The following JAML variants were observed in gnomAD, a reference collection of about 807,000 sequenced individuals.
JAML encodes the protein junctional adhesion molecule-like.
A neutral mutation model predicts 39.3 loss-of-function variants in JAML; 25 were observed. The ratio of observed to expected loss-of-function variants is 0.64; its 90% confidence interval spans 0.46 to 0.89. JAML has a LOEUF of 0.89. Among genes scored for constraint, JAML ranks in the 40% least tolerant of loss-of-function variants. JAML has a pLI of 0.00. For missense variants in JAML, 440 were observed against 486.9 expected (o/e 0.90, Z 0.91); for synonymous variants, 162 against 179.2 (o/e 0.90, Z 0.77).
chr11:118,217,610 CT>C (rs1245493347), intron 1 of JAML, among the ~76,000 whole-genome samples: 1 of 152,120 alleles, frequency 6.6e-6, no homozygotes, highest in Non-Finnish European at 1.5e-5. Flanking sequence ...AAGATCAGAC[CT>C]TTTTCTTAAT....
At position 118,205,698 on chromosome 11, in the gene JAML, G is replaced by A. The variant is rs1337743186; in HGVS notation, c.534+184C>T. On this transcript the variant is annotated intron_variant, in intron 5 of 9. Coordinates refer to ENST00000356289, the MANE Select transcript of JAML (RefSeq NM_001098526.2). ...AGTTAAGCATCATCATCATCTTCTT[G>A]TTCTTGTTCTTCATTGGAGTTATCT... 5.1e-6 allele frequency: 3 copies of A among 587,018 alleles called. No homozygotes were observed. The African/African-American group carries it at 5.6e-5, about 11-fold the overall frequency. The allele number at this position is 587,018 out of a possible 1,614,324, so 36.4% of individuals were successfully genotyped here. A position where few individuals can be genotyped will look rare whatever the true frequency, so the allele number is the denominator to read the frequency against.
chr11:118,217,518 A>T (rs1311162556), intron 1 of JAML, among the ~76,000 whole-genome samples: 5 of 152,222 alleles, frequency 3.3e-5, no homozygotes, highest in African/African-American at 7.2e-5. Flanking sequence ...AGTTTTTTTT[A>T]AATGCTCTTC....
chr11:118,207,560 A>T (rs1224344321), intron 4 of JAML, among the ~76,000 whole-genome samples: 1 of 152,338 alleles, frequency 6.6e-6, no homozygotes, highest in South Asian at 2.1e-4. Flanking sequence ...AACTATGAAA[A>T]AAAGAATTGA....
intron 1 of JAML, among the ~76,000 whole-genome samples, chr11:118,224,548 T>A (rs1949241563): frequency 6.6e-6 from 1 of 152,156 alleles, no homozygotes; most frequent in African/African-American, 2.4e-5. Context: ...TAAAATTTGT[T>A]TAAAAATAAA....
At chr11:118,214,995 A>T (rs1225406368) in intron 1 of JAML, 109 bp from the exon 2 acceptor site, 6 of 916,810 alleles carry the variant, frequency 6.5e-6, no homozygotes, top group Non-Finnish European at 1.0e-5. Flanking sequence ...AGACACTGGT[A>T]TGCAGCATTG....
At chr11:118,200,651 T>C (rs775408283) in intron 6 of JAML, 39 bp from the exon 7 acceptor site, 1 of 1,612,588 alleles carries the variant, frequency 6.2e-7, no homozygotes, top group Non-Finnish European at 8.5e-7. Flanking sequence ...GTCTCAATAC[T>C]TTAGCAAAGA....
At chr11:118,201,057 C>A in intron 6 of JAML, 1 of 161,830 alleles carries the variant, frequency 6.2e-6, no homozygotes, top group Non-Finnish European at 1.4e-5. Context: ...GAACCTTCTA[C>A]TCATCTGCAT....
chr11:118,218,627 C>A (rs1949173969), intron 1 of JAML, among the ~76,000 whole-genome samples: 1 of 152,128 alleles, frequency 6.6e-6, no homozygotes, highest in Non-Finnish European at 1.5e-5. Context: ...GTTCATAACA[C>A]CTTGGACATT....
rs760640093 is a variant in JAML at position 118,210,729 on chromosome 11, T to C, written c.199-17A>G. 29 of 1,604,694 alleles carry C rather than the reference T, an allele frequency of 1.8e-5. No homozygotes were observed. Among genetic ancestry groups the C allele is most frequent in the Non-Finnish European group, 2.5e-5 (29 of 1,171,578 alleles). On this transcript the variant is annotated splice_polypyrimidine_tract_variant and intron_variant, in intron 3 of 9. Transcript: ENST00000356289. ...ATATTCGTCCTGAAGGGCAAAACAG[T>C]GTTGGAGACAATCAAAAGAGGTGCC...
At chr11:118,207,319 T>C (rs1948938242) in intron 4 of JAML, among the ~76,000 whole-genome samples, 5 of 152,186 alleles carry the variant, frequency 3.3e-5, no homozygotes, top group Non-Finnish European at 1.5e-5. Context: ...ATTTTGAGGT[T>C]TGTATGACTA....
At chr11:118,204,972 A>G (rs1948887655) in intron 5 of JAML, 1 of 152,198 alleles carries the variant, frequency 6.6e-6, no homozygotes, top group African/African-American at 2.4e-5. Flanking sequence ...TCGTGATTCA[A>G]ATTCACAACC....
At chr11:118,199,999 A>C (rs1432394397) in intron 7 of JAML, among the ~76,000 whole-genome samples, 1 of 152,144 alleles carries the variant, frequency 6.6e-6, no homozygotes, top group African/African-American at 2.4e-5. Context: ...CCTGGCCAAA[A>C]GCATCTTTTA....
chr11:118,224,700 T>C (rs778600839), intron 1 of JAML, among the ~76,000 whole-genome samples: 2 of 152,156 alleles, frequency 1.3e-5, no homozygotes, highest in Non-Finnish European at 2.9e-5. Context: ...CGTACTCTTA[T>C]TATGATGAAA....
In JAML at chr11:118,202,656, C is replaced by T. The variant is rs117051566; in HGVS notation, c.772+772G>A. 312 of 281,782 alleles carry T rather than the reference C, an allele frequency of 1.1e-3. 5 individuals are homozygous for T. In the East Asian group the frequency reaches 0.024, roughly 22 times the overall value. The allele number at this position is 281,782 out of a possible 1,614,324, so 17.5% of individuals were successfully genotyped here. On this transcript the variant is annotated intron_variant, in intron 6 of 9. Transcript: ENST00000356289. ...CTGAGAAGGAAGCACACAGACCTGC[C>T]GTGCTCCCCTCTCCAGCTGGAGACA...
rs1949248678 is a variant in JAML at position 118,224,973 on chromosome 11, A to G, written c.-53T>C. ...GAAGAGCACCCAGGGGAGGCAATGC[A>G]CTGAAATCTCCCCACAGCTGCAGTC... On this transcript the variant is annotated 5_prime_UTR_variant, in exon 1 of 10. Transcript: ENST00000356289. 1 of 152,240 alleles carries G rather than the reference A, an allele frequency of 6.6e-6. No homozygotes were observed. The highest frequency in any genetic ancestry group is 2.1e-4 in the South Asian group (1 of 4,830). 9.4% of individuals were successfully genotyped at this position (152,240 alleles called of 1,614,324 possible).
chr11:118,210,456 T>G, intron 4 of JAML, 31 bp downstream of exon 4: 1 of 1,608,930 alleles, frequency 6.2e-7, no homozygotes, highest in Non-Finnish European at 8.5e-7. Context: ...CTCTTGCCCC[T>G]TGGCCCCTCT....
chr11:118,216,587 T>A (rs1949146231), intron 1 of JAML, among the ~76,000 whole-genome samples: 1 of 152,162 alleles, frequency 6.6e-6, no homozygotes, highest in Non-Finnish European at 1.5e-5. Flanking sequence ...TAGATAACAG[T>A]GCTTTGAAAA....
intron 5 of JAML, chr11:118,204,161 T>C (rs182636478): frequency 2.4e-4 from 42 of 173,908 alleles, no homozygotes; most frequent in African/African-American, 9.5e-4. Flanking sequence ...TCACATTGAA[T>C]CCCTCAGCAA....
chr11:118,198,268 T>C (rs1948702383), intron 7 of JAML, among the ~76,000 whole-genome samples, 177 bp from the exon 8 acceptor site: 1 of 152,198 alleles, frequency 6.6e-6, no homozygotes, highest in African/African-American at 2.4e-5. Context: ...AGCGCATCTC[T>C]TCTAATGAAG....
Sources: allele counts gnomAD v4.1 joint callset (sites outside exome capture counted in the v4.1 genomes callset), GRCh38; gene constraint gnomAD v4.1.1; transcripts MANE v1.5; gene names NCBI Gene and HGNC (gene_info 2026-07-23, HGNC 2026-07-21).